Variants in NAALADL2 observed in about 807,000 individuals in gnomAD.
The protein encoded by NAALADL2 is inactive N-acetylated-alpha-linked acidic dipeptidase-like protein 2.
In NAALADL2, 76 loss-of-function variants were observed where a neutral mutation model predicts 87.2. The ratio of observed to expected loss-of-function variants is 0.87; its 90% CI spans 0.72 to 1.05. The LOEUF is 1.05. Among genes scored for constraint, NAALADL2 ranks in the 50% least tolerant of loss-of-function variants. NAALADL2 has a pLI of 0.00. For missense variants in NAALADL2, 1,089 were observed against 945.8 expected, an observed-to-expected ratio of 1.15 and a Z score of -1.99; for synonymous variants, 354 against 331.0, an observed-to-expected ratio of 1.07 and a Z score of -0.75.
chr3:175,792,782 A>G (rs1282336214), intron 13 of NAALADL2, among the ~76,000 whole-genome samples: 1 of 152,234 alleles, frequency 6.6e-6, no homozygotes, highest in Non-Finnish European at 1.5e-5. Flanking sequence ...TATTGCAATC[A>G]CGTCATCAAG....
intron 13 of NAALADL2, among the ~76,000 whole-genome samples, chr3:175,786,377 C>T (rs1056714507): frequency 7.9e-5 from 12 of 152,152 alleles, no homozygotes; most frequent in South Asian, 2.1e-4. Flanking sequence ...TAGTCCCATA[C>T]TTCTTGGAGG....
At chr3:175,585,184 A>T (rs559818334) in intron 10 of NAALADL2, among the ~76,000 whole-genome samples, 2 of 151,886 alleles carry the variant, frequency 1.3e-5, no homozygotes, top group Non-Finnish European at 2.9e-5. Flanking sequence ...TTTTGTTAAA[A>T]ACTAAGGCAC....
chr3:175,390,418 T>C (rs999492185), intron 5 of NAALADL2, among the ~76,000 whole-genome samples: 20 of 152,174 alleles, frequency 1.3e-4, no homozygotes, highest in African/African-American at 4.3e-4. Context: ...GCAAGGAAAT[T>C]GGTAAATTCA....
intron 2 of NAALADL2, among the ~76,000 whole-genome samples, chr3:174,673,217 T>A (rs1726735320): frequency 6.6e-6 from 1 of 152,050 alleles, no homozygotes. Context: ...TGCAAGACAT[T>A]GGGCAAGGTC....
intron 8 of NAALADL2, among the ~76,000 whole-genome samples, chr3:175,471,301 T>C (rs1311165677): frequency 6.6e-6 from 1 of 151,640 alleles, no homozygotes; most frequent in Non-Finnish European, 1.5e-5. Flanking sequence ...CTCGCTAACA[T>C]GGTGAAACCC....
At chr3:175,451,069 C>A (rs181938091) in intron 6 of NAALADL2, among the ~76,000 whole-genome samples, 80 of 151,962 alleles carry the variant, frequency 5.3e-4, no homozygotes, top group Non-Finnish European at 9.4e-4. Flanking sequence ...GAAAAAGAAA[C>A]CCTTATTTAT....
chr3:174,960,942 C>A (rs1741888018), intron 1 of NAALADL2, among the ~76,000 whole-genome samples: 1 of 151,444 alleles, frequency 6.6e-6, no homozygotes. Flanking sequence ...GAGGCTGAAG[C>A]AGGAGGGTTG....
At chr3:174,594,305 A>G (rs1717668208) in intron 2 of NAALADL2, among the ~76,000 whole-genome samples, 1 of 152,132 alleles carries the variant, frequency 6.6e-6, no homozygotes, top group African/African-American at 2.4e-5. Context: ...TCCTGTCTTC[A>G]TAGCTCAATG....
intron 4 of NAALADL2, among the ~76,000 whole-genome samples, chr3:175,301,239 T>C (rs575153313): frequency 2.0e-5 from 3 of 152,252 alleles, no homozygotes; most frequent in African/African-American, 7.2e-5. Flanking sequence ...GAACACTGCT[T>C]TAGCTGTGTC....
intron 1 of NAALADL2, among the ~76,000 whole-genome samples, chr3:174,978,831 G>T (rs913758186): frequency 2.6e-5 from 4 of 152,230 alleles, no homozygotes; most frequent in Admixed American, 2.6e-4. Flanking sequence ...CCCAAGAAAT[G>T]ATATAGTAGT....
intron 9 of NAALADL2, among the ~76,000 whole-genome samples, chr3:175,508,553 G>A (rs1439018772): frequency 6.6e-6 from 1 of 151,924 alleles, no homozygotes; most frequent in Non-Finnish European, 1.5e-5. Flanking sequence ...TACCATTTTT[G>A]ACATGCAAAA....
intron 3 of NAALADL2, among the ~76,000 whole-genome samples, chr3:174,805,051 C>T (rs1320448610): frequency 6.6e-6 from 1 of 151,944 alleles, no homozygotes; most frequent in East Asian, 1.9e-4. Flanking sequence ...AGATTATTTG[C>T]TAGGGTTAAA....
intron 4 of NAALADL2, among the ~76,000 whole-genome samples, chr3:175,294,753 G>A (rs923403947): frequency 3.9e-5 from 6 of 152,206 alleles, no homozygotes; most frequent in South Asian, 2.1e-4. Flanking sequence ...ATCCAAAGGA[G>A]CACAAACAAG....
chr3:175,479,131 A>G (rs1726109676), intron 9 of NAALADL2, among the ~76,000 whole-genome samples: 2 of 151,000 alleles, frequency 1.3e-5, no homozygotes, highest in Non-Finnish European at 3.0e-5. Context: ...TCTTTGATAA[A>G]TTTTATAAAT....
At chr3:175,510,504 T>A (rs2149392872) in intron 9 of NAALADL2, among the ~76,000 whole-genome samples, 1 of 152,282 alleles carries the variant, frequency 6.6e-6, no homozygotes, top group East Asian at 1.9e-4. Context: ...AAAAAGAATA[T>A]TACCACCTGC....
intron 3 of NAALADL2, among the ~76,000 whole-genome samples, chr3:174,830,866 G>T (rs1722596886): frequency 6.6e-6 from 1 of 151,816 alleles, no homozygotes; most frequent in Admixed American, 6.6e-5. Flanking sequence ...TCTCTTTGAA[G>T]CAATTGTGAA....
intron 2 of NAALADL2, among the ~76,000 whole-genome samples, chr3:175,135,082 T>C (rs1037603807): frequency 1.4e-4 from 21 of 152,328 alleles, no homozygotes; most frequent in South Asian, 1.2e-3. Context: ...AACAAATAGA[T>C]GGCTCCTGTC....
chr3:175,438,008 A>C (rs576366264), intron 5 of NAALADL2, among the ~76,000 whole-genome samples: 11 of 152,170 alleles, frequency 7.2e-5, no homozygotes, highest in Admixed American at 7.2e-4. Context: ...GTGAACATCT[A>C]TGTCTTTATT....
intron 1 of NAALADL2, among the ~76,000 whole-genome samples, chr3:174,445,727 T>A (rs961108112): frequency 6.6e-6 from 1 of 152,178 alleles, no homozygotes; most frequent in African/African-American, 2.4e-5. Context: ...ATATTTGGTA[T>A]ATAGGAGTAA....
Sources: allele counts gnomAD v4.1 joint callset (sites outside exome capture counted in the v4.1 genomes callset), GRCh38; gene constraint gnomAD v4.1.1; transcripts MANE v1.5; gene names NCBI Gene and HGNC (gene_info 2026-07-23, HGNC 2026-07-21).